PDE1A: variants seen among roughly 807,000 people sequenced by gnomAD.
PDE1A encodes phosphodiesterase 1A, also known as dual specificity calcium/calmodulin-dependent 3',5'-cyclic nucleotide phosphodiesterase 1A.
PDE1A carries 35 observed loss-of-function variants against 61.7 expected under a neutral mutation model. The ratio of observed to expected loss-of-function variants is 0.57; its 90% confidence interval spans 0.43 to 0.75. PDE1A has a LOEUF of 0.75. Among genes scored for constraint, PDE1A ranks in the 30% least tolerant of loss-of-function variants. The pLI is 0.00. For missense variants in PDE1A, 597 were observed against 630.6 expected (o/e 0.95, Z 0.57); for synonymous variants, 232 against 213.2 (o/e 1.09, Z -0.77).
At chr2:182,532,163 T>C in the PDE1A span, among the ~76,000 whole-genome samples, 1 of 152,218 alleles carries the variant, frequency 6.6e-6, no homozygotes, top group Non-Finnish European at 1.5e-5. Context: ...AAATAAATTC[T>C]AGTGTTCTAT....
At chr2:182,252,187 TTAGG>T (rs1308021186) in intron 2 of PDE1A, among the ~76,000 whole-genome samples, 2 of 152,226 alleles carry the variant, frequency 1.3e-5, no homozygotes, top group Non-Finnish European at 2.9e-5. Flanking sequence ...TTTGCACTAG[TTAGG>T]TATTAGCCCA....
At chr2:182,419,381 GC>G (rs1703130827) in intron 1 of PDE1A, among the ~76,000 whole-genome samples, 1 of 148,536 alleles carries the variant, frequency 6.7e-6, no homozygotes, top group Non-Finnish European at 1.5e-5. Flanking sequence ...TGTCGCCCAG[GC>G]TGGAGTGCAG....
intron 2 of PDE1A, among the ~76,000 whole-genome samples, chr2:182,479,232 T>C (rs1454928579): frequency 6.6e-6 from 1 of 151,924 alleles, no homozygotes; most frequent in Non-Finnish European, 1.5e-5. Context: ...ACTTTACTTC[T>C]ATAAAAATCA....
At chr2:182,433,855 C>G (rs1704078003) in intron 2 of PDE1A, among the ~76,000 whole-genome samples, 1 of 152,042 alleles carries the variant, frequency 6.6e-6, no homozygotes, top group Non-Finnish European at 1.5e-5. Flanking sequence ...CGCTCTTATC[C>G]TGCTGTTTCT....
chr2:182,534,618 CT>C, the PDE1A span, among the ~76,000 whole-genome samples: 2 of 151,322 alleles, frequency 1.3e-5, no homozygotes, highest in Admixed American at 6.6e-5. Context: ...AATTTTTAAT[CT>C]TTTTTTCTTT....
chr2:182,489,900 G>A (rs1688271358), intron 2 of PDE1A, among the ~76,000 whole-genome samples: 1 of 152,224 alleles, frequency 6.6e-6, no homozygotes, highest in African/African-American at 2.4e-5. Flanking sequence ...GCACCATGAT[G>A]CTGGATGTTA....
downstream of PDE1A, among the ~76,000 whole-genome samples, chr2:182,145,006 C>A (rs916445398): frequency 2.0e-4 from 30 of 152,174 alleles, no homozygotes; most frequent in African/African-American, 7.2e-4. Context: ...TCCCAGACAC[C>A]ATGCCTGAGT....
At chr2:182,647,313 TG>T in the PDE1A span, among the ~76,000 whole-genome samples, 1 of 152,208 alleles carries the variant, frequency 6.6e-6, no homozygotes, top group African/African-American at 2.4e-5. Context: ...ACTGAATGGA[TG>T]GATCAGCAGT....
the PDE1A span, among the ~76,000 whole-genome samples, chr2:182,555,965 CAAAAAAAAAAAAAAAAA>C: frequency 1.7e-4 from 8 of 48,418 alleles, 1 homozygote; most frequent in East Asian, 4.7e-3. Flanking sequence ...AACTCCATCT[CAAAAAAAAAAAAAAAAA>C]AAAAAAAAAA....
chr2:182,622,348 G>A, the PDE1A span, among the ~76,000 whole-genome samples: 1 of 152,138 alleles, frequency 6.6e-6, no homozygotes, highest in Non-Finnish European at 1.5e-5. Context: ...AACTACTCAA[G>A]GTAATTTAAA....
chr2:182,527,539 C>T (rs1425706722), upstream of PDE1A, among the ~76,000 whole-genome samples: 3 of 149,670 alleles, frequency 2.0e-5, no homozygotes, highest in Non-Finnish European at 3.0e-5. Flanking sequence ...GCATGGGTGA[C>T]AGAGAGACCC....
chr2:182,569,254 A>AATATATATAT, the PDE1A span, among the ~76,000 whole-genome samples: 967 of 138,556 alleles, frequency 7.0e-3, 23 homozygotes, highest in African/African-American at 0.025. Flanking sequence ...ACCTGTCTCA[A>AATATATATAT]ATATATATAT....
the PDE1A span, among the ~76,000 whole-genome samples, chr2:182,553,243 A>G: frequency 3.9e-5 from 6 of 152,142 alleles, no homozygotes; most frequent in Admixed American, 1.3e-4. Flanking sequence ...GAAGCGGCCC[A>G]CCACCATCTT....
chr2:182,564,251 TG>T, the PDE1A span, among the ~76,000 whole-genome samples: 5 of 152,180 alleles, frequency 3.3e-5, no homozygotes, highest in Admixed American at 2.0e-4. Flanking sequence ...GCAGGTCTGG[TG>T]GTGACAAAAT....
intron 1 of PDE1A, among the ~76,000 whole-genome samples, chr2:182,302,161 T>C (rs1381939146): frequency 1.3e-5 from 2 of 152,184 alleles, no homozygotes; most frequent in Non-Finnish European, 2.9e-5. Context: ...CCCTTAACAT[T>C]TCCATACATG....
chr2:182,542,371 G>T, the PDE1A span, among the ~76,000 whole-genome samples: 2 of 152,074 alleles, frequency 1.3e-5, no homozygotes, highest in South Asian at 4.2e-4. Context: ...TAGAGACAAG[G>T]CCCAGATTTT....
chr2:182,399,659 A>G (rs1701893314), intron 1 of PDE1A, among the ~76,000 whole-genome samples: 1 of 152,006 alleles, frequency 6.6e-6, no homozygotes, highest in African/African-American at 2.4e-5. Context: ...TCTCACTCCT[A>G]TTTTTTTAAG....
intron 1 of PDE1A, among the ~76,000 whole-genome samples, chr2:182,365,659 C>G (rs144287191): frequency 6.6e-6 from 1 of 152,068 alleles, no homozygotes; most frequent in East Asian, 1.9e-4. Flanking sequence ...TTACCAGTGT[C>G]TTGGGCCTGC....
chr2:182,338,848 G>T (rs1353940326), intron 1 of PDE1A, among the ~76,000 whole-genome samples: 3 of 152,074 alleles, frequency 2.0e-5, no homozygotes, highest in Non-Finnish European at 1.5e-5. Context: ...AGAAGGCAAG[G>T]GCTTGAGATG....
Sources: allele counts gnomAD v4.1 joint callset (sites outside exome capture counted in the v4.1 genomes callset), GRCh38; gene constraint gnomAD v4.1.1; transcripts MANE v1.5; gene names NCBI Gene and HGNC (gene_info 2026-07-23, HGNC 2026-07-21).